The following PPARGC1A variants were observed in gnomAD, a reference collection of about 807,000 sequenced individuals.
The protein encoded by PPARGC1A is PPARG coactivator 1 alpha.
PPARGC1A carries 25 observed loss-of-function variants against 88.7 expected under a neutral mutation model. The ratio of observed to expected loss-of-function variants is 0.28; its 90% CI spans 0.21 to 0.39. PPARGC1A has a LOEUF of 0.39. Ranked by LOEUF, PPARGC1A falls within the 10% of genes least tolerant of loss-of-function variation. PPARGC1A has a pLI of 1.00. For missense variants in PPARGC1A, 880 were observed against 968.7 expected, an observed-to-expected ratio of 0.91 and a Z score of 1.22; for synonymous variants, 363 against 355.6, an observed-to-expected ratio of 1.02 and a Z score of -0.24.
chr4:23,982,142 T>C, the PPARGC1A span, among the ~76,000 whole-genome samples: 1 of 152,216 alleles, frequency 6.6e-6, no homozygotes. Context: ...TCAGAATATG[T>C]CTTCTTCTTC....
chr4:24,224,144 G>T, the PPARGC1A span, among the ~76,000 whole-genome samples: 1 of 152,284 alleles, frequency 6.6e-6, no homozygotes, highest in South Asian at 2.1e-4. Flanking sequence ...TCACACCCTG[G>T]GGGCTGCAGT....
chr4:24,401,185 A>AT, the PPARGC1A span, among the ~76,000 whole-genome samples: 1 of 151,188 alleles, frequency 6.6e-6, no homozygotes, highest in African/African-American at 2.4e-5. Context: ...CGCCCGGCTA[A>AT]TTTTTTGTAT....
chr4:24,004,401 G>A, the PPARGC1A span, among the ~76,000 whole-genome samples: 1 of 152,180 alleles, frequency 6.6e-6, no homozygotes, highest in Non-Finnish European at 1.5e-5. Context: ...AGAGATCAAA[G>A]TCCACATCAG....
chr4:24,043,355 T>C, the PPARGC1A span, among the ~76,000 whole-genome samples: 1 of 152,172 alleles, frequency 6.6e-6, no homozygotes, highest in Non-Finnish European at 1.5e-5. Flanking sequence ...CTTCATGCCC[T>C]ACTGAAAGAA....
chr4:24,071,738 C>A, the PPARGC1A span, among the ~76,000 whole-genome samples: 3 of 152,084 alleles, frequency 2.0e-5, no homozygotes, highest in African/African-American at 7.2e-5. Flanking sequence ...AAGGAAAGGG[C>A]ATCAGACCCA....
chr4:24,402,768 C>T, the PPARGC1A span, among the ~76,000 whole-genome samples: 2 of 152,174 alleles, frequency 1.3e-5, no homozygotes, highest in Non-Finnish European at 2.9e-5. Flanking sequence ...CACTCTGCTC[C>T]CTACTCACCA....
intron 2 of PPARGC1A, among the ~76,000 whole-genome samples, chr4:23,861,464 G>A (rs989436790): frequency 1.3e-5 from 2 of 152,148 alleles, no homozygotes; most frequent in African/African-American, 4.8e-5. Context: ...CAGCTACTGA[G>A]TACCTTTTAT....
chr4:24,087,561 G>C, the PPARGC1A span, among the ~76,000 whole-genome samples: 1 of 152,136 alleles, frequency 6.6e-6, no homozygotes, highest in Non-Finnish European at 1.5e-5. Context: ...GACGTGTCAC[G>C]AAGGATACAT....
chr4:24,213,321 CCG>C, the PPARGC1A span, among the ~76,000 whole-genome samples: 1 of 151,884 alleles, frequency 6.6e-6, no homozygotes, highest in Non-Finnish European at 1.5e-5. Context: ...CGCCCACCAC[CCG>C]GCCCGGCTAA....
the PPARGC1A span, among the ~76,000 whole-genome samples, chr4:24,022,427 T>C: frequency 6.6e-6 from 1 of 152,150 alleles, no homozygotes; most frequent in African/African-American, 2.4e-5. Flanking sequence ...ACTGTGCCTG[T>C]CACTTCGTGT....
the PPARGC1A span, among the ~76,000 whole-genome samples, chr4:24,402,089 C>A: frequency 1.3e-5 from 2 of 152,206 alleles, no homozygotes; most frequent in Non-Finnish European, 2.9e-5. Context: ...GGAAGCGCTG[C>A]TGAATAGAAC....
At chr4:23,868,631 G>A (rs1285412312) in intron 2 of PPARGC1A, among the ~76,000 whole-genome samples, 4 of 152,246 alleles carry the variant, frequency 2.6e-5, no homozygotes, top group East Asian at 3.9e-4. Context: ...ACCACAATTC[G>A]AAGGCCTTAA....
At chr4:23,835,124 T>C (rs1725767405) in intron 2 of PPARGC1A, among the ~76,000 whole-genome samples, 1 of 152,240 alleles carries the variant, frequency 6.6e-6, no homozygotes, top group African/African-American at 2.4e-5. Context: ...TTGTTTACTA[T>C]GATGTAAATT....
Position 23,814,122 on chromosome 4 carries a change from TGGA to T in PPARGC1A, c.1358_1360del (p.Leu453del). 1 of 1,614,108 alleles carries T rather than the reference TGGA, an allele frequency of 6.2e-7. No individual in the cohort carries two copies. Among genetic ancestry groups the T allele is most frequent in the Non-Finnish European group, 8.5e-7 (1 of 1,180,002 alleles). The stretch of plus-strand genomic sequence containing the variant: ...CAGCTCGGCTCGGATTTCCTGGTCT[TGGA>T]GCTGTTTTCTTGTGCTGCAAGGAGA... On this transcript the variant is annotated inframe_deletion, in exon 8 of 13. Coordinates refer to ENST00000264867, the MANE Select transcript of PPARGC1A (RefSeq NM_013261.5).
At chr4:24,230,189 C>T in the PPARGC1A span, among the ~76,000 whole-genome samples, 1 of 152,320 alleles carries the variant, frequency 6.6e-6, no homozygotes, top group East Asian at 1.9e-4. Flanking sequence ...CATCCTTAGT[C>T]ATTCTTGCAT....
At chr4:24,309,738 C>T in the PPARGC1A span, among the ~76,000 whole-genome samples, 2 of 152,112 alleles carry the variant, frequency 1.3e-5, no homozygotes, top group African/African-American at 2.4e-5. Context: ...TGTGCCACCA[C>T]GCCCAGCTAC....
chr4:23,813,966 G>C lies in PPARGC1A; in HGVS notation c.1517C>G (p.Ala506Gly). 1 of 1,614,074 alleles carries C rather than the reference G, an allele frequency of 6.2e-7. No homozygotes were observed. Among genetic ancestry groups the C allele is most frequent in the Non-Finnish European group, 8.5e-7 (1 of 1,179,972 alleles). The change falls in exon 8 of 13, where the codon GCC becomes GGC. Residue 506 changes from alanine (A) to glycine (G), a missense_variant. Physicochemically the swap from Ala to Gly is moderately conservative, Grantham distance 60. Transcript: ENST00000264867. ...KLPMFINSGL[A>G]MDGLFDDSED... ...GCTGTCATCAAACAGGCCATCCATG[G>C]CTAGTCCTGAATTTATAAACATAGG...
the PPARGC1A span, among the ~76,000 whole-genome samples, chr4:24,418,687 A>G: frequency 4.6e-5 from 7 of 152,238 alleles, no homozygotes; most frequent in African/African-American, 1.7e-4. Context: ...AGATTAAGTA[A>G]TTATACAAAA....
upstream of PPARGC1A, among the ~76,000 whole-genome samples, chr4:23,903,013 T>A (rs1203785534): frequency 6.6e-6 from 1 of 152,236 alleles, no homozygotes; most frequent in Non-Finnish European, 1.5e-5. Context: ...GGTAATATAT[T>A]TATTTCTAGT....
Sources: gnomAD v4.1 joint callset for allele counts (sites outside exome capture counted in the v4.1 genomes callset) on GRCh38, gnomAD v4.1.1 for gene constraint, MANE v1.5 for transcripts, NCBI Gene and HGNC (gene_info 2026-07-23, HGNC 2026-07-21) for gene names.